The following FGD4 variants were observed in gnomAD, a reference collection of about 807,000 sequenced individuals.
The protein encoded by FGD4 is FYVE, RhoGEF and PH domain containing 4.
In FGD4, 42 loss-of-function variants were observed where a neutral mutation model predicts 102.0. The ratio of observed to expected loss-of-function variants is 0.41; its 90% CI spans 0.32 to 0.53. The LOEUF is 0.53. Ranked by LOEUF, FGD4 falls within the 20% of genes least tolerant of loss-of-function variation. The pLI is 0.21. For synonymous variants in FGD4, 380 were observed against 375.7 expected, an observed-to-expected ratio of 1.01 and a Z score of -0.13; for missense variants, 902 against 1,078.2, an observed-to-expected ratio of 0.84 and a Z score of 2.29.
At chr12:32,457,658 C>T (rs7132461) in intron 1 of FGD4, among the ~76,000 whole-genome samples, 127,136 of 152,210 alleles carry the variant, frequency 0.84, 55,539 homozygotes, top group Non-Finnish European at 0.97. Context: ...GGATTGCTTT[C>T]TGTGGGTGTG....
chr12:32,529,818 G>C (rs1941620681), intron 1 of FGD4, among the ~76,000 whole-genome samples: 2 of 148,908 alleles, frequency 1.3e-5, no homozygotes, highest in South Asian at 2.1e-4. Flanking sequence ...ACTCCAGCAT[G>C]GGTGACAGAG....
intron 4 of FGD4, among the ~76,000 whole-genome samples, chr12:32,592,930 G>A (rs969419554): frequency 3.9e-5 from 6 of 152,182 alleles, no homozygotes; most frequent in Non-Finnish European, 7.3e-5. Context: ...TTTGTAAGCA[G>A]ATAGTTGGTG....
chr12:32,472,326 C>T (rs1273797378), intron 1 of FGD4, among the ~76,000 whole-genome samples: 13 of 152,126 alleles, frequency 8.5e-5, no homozygotes, highest in Admixed American at 3.3e-4. Flanking sequence ...CTGCGTGTGG[C>T]GCTTGCGGGC....
intron 1 of FGD4, among the ~76,000 whole-genome samples, chr12:32,488,669 G>A (rs561332104): frequency 2.0e-5 from 3 of 152,220 alleles, no homozygotes; most frequent in Admixed American, 6.5e-5. Flanking sequence ...GGCTGGGCAC[G>A]GTGGCTCACG....
At chr12:32,601,158 A>G in intron 5 of FGD4, 120 bp from the exon 6 acceptor site, 2 of 978,740 alleles carry the variant, frequency 2.0e-6, no homozygotes, top group South Asian at 2.9e-5. Context: ...GATTCTCTTG[A>G]ACTGTAAACT....
chr12:32,411,250 A>G (rs999516887), intron 1 of FGD4, among the ~76,000 whole-genome samples: 45 of 151,350 alleles, frequency 3.0e-4, no homozygotes, highest in Admixed American at 5.3e-4. Context: ...TTTTTAAAAC[A>G]TGTGGGTGGG....
At chr12:32,608,176 A>C in intron 8 of FGD4, 81 bp downstream of exon 8, 1 of 1,534,630 alleles carries the variant, frequency 6.5e-7, no homozygotes, top group Non-Finnish European at 9.0e-7. Flanking sequence ...AGAGAAATAC[A>C]TCTCACAGCT....
At chr12:32,636,671 T>TA (rs2137054192) in intron 15 of FGD4, among the ~76,000 whole-genome samples, 1 of 150,976 alleles carries the variant, frequency 6.6e-6, no homozygotes, top group South Asian at 2.1e-4. Context: ...GTTTAATACT[T>TA]ACTCCTACTT....
chr12:32,461,799 T>C (rs1436062826), intron 1 of FGD4, among the ~76,000 whole-genome samples: 3 of 152,208 alleles, frequency 2.0e-5, no homozygotes, highest in Non-Finnish European at 4.4e-5. Flanking sequence ...CGATCTCAGC[T>C]TACTGCTACC....
chr12:32,411,456 C>T (rs1042865192), intron 1 of FGD4, among the ~76,000 whole-genome samples: 26 of 151,964 alleles, frequency 1.7e-4, no homozygotes, highest in African/African-American at 6.3e-4. Context: ...ATTGCTTGAA[C>T]CCGAGAGGCA....
In FGD4 at chr12:32,582,398, G is replaced by A. The variant is rs150885934; in HGVS notation, c.942G>A (p.Lys314=). 5 of 1,614,032 alleles carry A rather than the reference G, an allele frequency of 3.1e-6. No homozygotes were observed. Among genetic ancestry groups the A allele is most frequent in the African/African-American group, 1.3e-5 (1 of 75,032 alleles). The change falls in exon 4 of 17, where the codon AAG becomes AAA. Residue 314 remains lysine (K), a synonymous_variant. Coordinates refer to ENST00000534526, the MANE Select transcript of FGD4 (RefSeq NM_001370298.3). ...LEERGAETET[K]VQERENGESP... Reference sequence around the variant, plus strand: ...AAAGAGGGGCAGAAACAGAAACCAAGGTACAAGAGAGGGAAAATGGGGAAA... The same window carrying A: ...AAAGAGGGGCAGAAACAGAAACCAAAGTACAAGAGAGGGAAAATGGGGAAA...
intron 1 of FGD4, among the ~76,000 whole-genome samples, chr12:32,412,303 A>C (rs1941240362): frequency 1.3e-5 from 2 of 152,198 alleles, no homozygotes; most frequent in Admixed American, 1.3e-4. Context: ...AGATTGTGAG[A>C]TAATGGAGAG....
intron 1 of FGD4, among the ~76,000 whole-genome samples, chr12:32,468,773 G>A (rs958634372): frequency 6.6e-6 from 1 of 152,156 alleles, no homozygotes; most frequent in Admixed American, 6.5e-5. Context: ...CATGTATTTT[G>A]TAGAAAGTGA....
At chr12:32,502,113 C>T in intron 1 of FGD4, 3 of 985,438 alleles carry the variant, frequency 3.0e-6, no homozygotes, top group Non-Finnish European at 1.2e-6. Context: ...CTTAGGAGGG[C>T]TGGTTACCAT....
chr12:32,610,414 CAA>C (rs1949065498), intron 8 of FGD4, among the ~76,000 whole-genome samples: 1 of 152,096 alleles, frequency 6.6e-6, no homozygotes, highest in Admixed American at 6.5e-5. Context: ...TCTGTGCACT[CAA>C]TACAGGATCC....
chr12:32,583,763 G>A (rs1412245261), intron 4 of FGD4, among the ~76,000 whole-genome samples: 1 of 152,198 alleles, frequency 6.6e-6, no homozygotes, highest in Non-Finnish European at 1.5e-5. Flanking sequence ...GTCATACTTG[G>A]TAACATTATC....
intron 10 of FGD4, among the ~76,000 whole-genome samples, chr12:32,614,880 C>A (rs1031776116): frequency 1.3e-5 from 2 of 152,126 alleles, no homozygotes; most frequent in Admixed American, 1.3e-4. Flanking sequence ...CTTTTAATTC[C>A]ATTTTTCCAC....
chr12:32,640,213 C>G (rs1951086894), intron 16 of FGD4, 63 bp from the exon 17 acceptor site: 1 of 1,612,646 alleles, frequency 6.2e-7, no homozygotes, highest in Admixed American at 1.7e-5. Flanking sequence ...TTAGTAGGAG[C>G]AAGGGACACA....
At chr12:32,538,303 T>C (rs1942488158) in intron 1 of FGD4, among the ~76,000 whole-genome samples, 1 of 152,184 alleles carries the variant, frequency 6.6e-6, no homozygotes, top group Admixed American at 6.5e-5. Context: ...AGATACTGGG[T>C]GCTTTGTTAA....
Sources: gnomAD v4.1 joint callset for allele counts (sites outside exome capture counted in the v4.1 genomes callset) on GRCh38, gnomAD v4.1.1 for gene constraint, MANE v1.5 for transcripts, NCBI Gene and HGNC (gene_info 2026-07-23, HGNC 2026-07-21) for gene names.